Variants in PLET1 observed in about 807,000 individuals in gnomAD.
The protein encoded by PLET1 is placenta-expressed transcript 1 protein.
In PLET1, 20 loss-of-function variants were observed where a neutral mutation model predicts 18.5. The ratio of observed to expected loss-of-function variants is 1.08; its 90% CI spans 0.76 to 1.57. The LOEUF (loss-of-function observed/expected upper bound fraction) is 1.57, where lower values mean the gene tolerates loss of function less well. PLET1 is among the 40% of genes most tolerant of loss of function. PLET1 has a pLI of 0.00. For synonymous variants in PLET1, 93 were observed against 93.8 expected (o/e 0.99, Z 0.05); for missense variants, 256 against 246.4 (o/e 1.04, Z -0.26).
chr11:112,255,354 T>G, intron 2 of PLET1, 34 bp downstream of exon 2: 2 of 1,544,006 alleles, frequency 1.3e-6, no homozygotes, highest in Non-Finnish European at 1.8e-6. Context: ...TATGAAAATT[T>G]TAAAGCCCAA....
intron 1 of PLET1, among the ~76,000 whole-genome samples, chr11:112,258,357 C>T (rs1378479563): frequency 6.8e-6 from 1 of 147,916 alleles, no homozygotes; most frequent in African/African-American, 2.5e-5. Context: ...GGTCTCGGCT[C>T]ACTGCAACTT....
chr11:112,257,207 T>C (rs11214155), intron 1 of PLET1, among the ~76,000 whole-genome samples: 33,936 of 152,150 alleles, frequency 0.22, 4,711 homozygotes, highest in Admixed American at 0.32. Context: ...GCAGCCAGCC[T>C]TTCCCTTTTT....
At chr11:112,249,083 G>T in intron 3 of PLET1, 109 bp from the exon 4 acceptor site, 1 of 1,021,190 alleles carries the variant, frequency 9.8e-7, no homozygotes, top group Non-Finnish European at 1.4e-6. Context: ...GAATGCTAGA[G>T]CCAGATTCAT....
chr11:112,248,940 C>G lies in PLET1; in HGVS notation c.483G>C (p.Gln161His), dbSNP rs1860127178. ...STLALAAKIP[Q>H]SSAFKPFFMI... ...TGAAGAAAGGCTTGAAGGCTGAGCT[C>G]TGGGGAATCTTGGCAGCTAAGGCTA... The change falls in exon 4 of 4, where the codon CAG becomes CAC. Residue 161 changes from glutamine to histidine, a missense_variant. Physicochemically the swap from Gln to His is conservative, Grantham distance 24. Coordinates refer to ENST00000338832, the MANE Select transcript of PLET1 (RefSeq NM_001145024.1). The G allele has an allele frequency of 6.4e-7, 1 of 1,550,806 alleles. No individual in the cohort carries two copies. The highest frequency in any genetic ancestry group is 8.7e-7 in the Non-Finnish European group (1 of 1,146,972).
At position 112,248,773 on chromosome 11, in the gene PLET1, G is replaced by A. The variant is rs912312436; in HGVS notation, c.*26C>T. The stretch of plus-strand genomic sequence containing the variant: ...AATGTAGGAGGATGCAGTGGAGGCA[G>A]AAACAATTGTTTCCCTGGCTTCCCT... On this transcript the variant is annotated 3_prime_UTR_variant, in exon 4 of 4. Coordinates refer to ENST00000338832, the MANE Select transcript of PLET1 (RefSeq NM_001145024.1). The A allele has an allele frequency of 3.2e-6, 5 of 1,548,994 alleles. No individual in the cohort carries two copies. The highest frequency in any genetic ancestry group is 4.4e-6 in the Non-Finnish European group (5 of 1,145,150).
In PLET1 at chr11:112,249,095, A is replaced by C. The variant is rs541449121; in HGVS notation, c.449-121T>G. The C allele has an allele frequency of 2.5e-4, 230 of 919,508 alleles. 2 individuals are homozygous for C. The highest frequency in any genetic ancestry group is 3.6e-4 in the Non-Finnish European group (221 of 613,398). The allele number at this position is 919,508 out of a possible 1,614,324, so 57.0% of individuals were successfully genotyped here. ...ATGGAATGCTAGAGCCAGATTCATG[A>C]GCAAAATTCAATCAACCCTTCTCCA... is the stretch of plus-strand genomic sequence containing the variant. On this transcript the variant is annotated intron_variant, in intron 3 of 3. Coordinates refer to ENST00000338832, the MANE Select transcript of PLET1 (RefSeq NM_001145024.1).
At chr11:112,258,345 G>C (rs1449346586) in intron 1 of PLET1, among the ~76,000 whole-genome samples, 2 of 143,890 alleles carry the variant, frequency 1.4e-5, no homozygotes, top group African/African-American at 5.2e-5. Context: ...GTGCAGTGAC[G>C]TGGTCTCGGC....
In PLET1 at chr11:112,254,637, T is replaced by G. The variant is rs200983330; in HGVS notation, c.386+751A>C. ...ATGGTGTGTGTGGTATGAGTGTGTG[T>G]GGTGTGTGGTGTGTGCTGTGTGTGT... On this transcript the variant is annotated intron_variant, in intron 2 of 3. Coordinates refer to ENST00000338832, the MANE Select transcript of PLET1 (RefSeq NM_001145024.1). Among the ~76,000 whole-genome samples the G allele has an allele frequency of 5.9e-4, 30 of 50,938 alleles. 1 individual carries two copies. The highest frequency in any genetic ancestry group is 8.7e-4 in the Non-Finnish European group (20 of 22,880). The allele number at this position is 50,938 out of a possible 152,430, so 33.4% of individuals were successfully genotyped here.
intron 3 of PLET1, among the ~76,000 whole-genome samples, chr11:112,251,743 A>T (rs1160102190): frequency 6.6e-6 from 1 of 152,082 alleles, no homozygotes; most frequent in East Asian, 1.9e-4. Flanking sequence ...CCTTAGAGGG[A>T]GGTAAGAGAA....
intron 3 of PLET1, among the ~76,000 whole-genome samples, chr11:112,250,220 C>CTTTTTTTTTTTTTTTTTTT (rs33963716): frequency 2.0e-4 from 10 of 49,860 alleles, no homozygotes; most frequent in East Asian, 7.4e-4. Context: ...AGAAACAAAC[C>CTTTTTTTTTTTTTTTTTTT]TTTTTTTTTT....
At chr11:112,249,588 G>T (rs916455132) in intron 3 of PLET1, among the ~76,000 whole-genome samples, 2 of 152,160 alleles carry the variant, frequency 1.3e-5, no homozygotes, top group Admixed American at 1.3e-4. Context: ...TAGGCCCATA[G>T]TCCTGAGGGG....
At chr11:112,258,148 C>T (rs868116520) in intron 1 of PLET1, among the ~76,000 whole-genome samples, 3 of 152,104 alleles carry the variant, frequency 2.0e-5, no homozygotes, top group Non-Finnish European at 4.4e-5. Flanking sequence ...CTCCACCTAA[C>T]GTCTCTGTGA....
intron 1 of PLET1, chr11:112,260,130 G>A (rs1299774188): frequency 2.7e-6 from 1 of 366,606 alleles, no homozygotes; most frequent in African/African-American, 2.0e-5. Context: ...ATTTAAGTCA[G>A]AGAATCTACC....
rs746935437 is a variant in PLET1 at position 112,255,476 on chromosome 11, T to G, written c.298A>C (p.Thr100Pro). 6.4e-7 allele frequency: 1 copy of G among 1,552,180 alleles called. No individual in the cohort carries two copies. The highest frequency in any genetic ancestry group is 8.7e-7 in the Non-Finnish European group (1 of 1,147,040). Reference sequence around the variant, plus strand: ...ATGTATTGATCTTTCACGTAATACGTGGAGTTGCTGTAGCAATTTTTATCC... The same window carrying G: ...ATGTATTGATCTTTCACGTAATACGGGGAGTTGCTGTAGCAATTTTTATCC... ...RADKNCYSNS[T>P]YYVKDQYMTV... Residue 100 changes from threonine (T) to proline (P), a missense_variant, in exon 2 of 4, where the codon ACG (threonine) becomes CCG (proline). Transcript: ENST00000338832.
chr11:112,257,243 T>G (rs1484878751), intron 1 of PLET1, among the ~76,000 whole-genome samples: 1 of 152,198 alleles, frequency 6.6e-6, no homozygotes, highest in African/African-American at 2.4e-5. Flanking sequence ...CCCCTGATCC[T>G]TGCTCACCTC....
Position 112,254,838 on chromosome 11 carries a change from TTGTGTGTGGTG to T in PLET1, c.386+539_386+549del, listed in dbSNP as rs1203361889. Among the ~76,000 whole-genome samples, 9 of 116,910 alleles carry T rather than the reference TTGTGTGTGGTG, an allele frequency of 7.7e-5. No homozygotes were observed. In the South Asian group the frequency reaches 2.6e-3, roughly 34 times the overall value. The allele number at this position is 116,910 out of a possible 152,430, so 76.7% of individuals were successfully genotyped here. On this transcript the variant is annotated intron_variant, in intron 2 of 3. Coordinates refer to ENST00000338832, the MANE Select transcript of PLET1 (RefSeq NM_001145024.1). The stretch of plus-strand genomic sequence containing the variant: ...GTGTGTGGCATGTGGGGTGTATGTG[TTGTGTGTGGTG>T]TGTGTGTGGTATGTGTGTGTGGTGC...
intron 2 of PLET1, among the ~76,000 whole-genome samples, chr11:112,253,939 A>G (rs182800927): frequency 1.1e-4 from 17 of 152,280 alleles, no homozygotes; most frequent in Admixed American, 7.2e-4. Flanking sequence ...AAACCTAATG[A>G]CAGATCCTAG....
chr11:112,252,258 A>G (rs1044334111), intron 3 of PLET1, 90 bp downstream of exon 3: 1 of 1,154,830 alleles, frequency 8.7e-7, no homozygotes, highest in Non-Finnish European at 1.3e-6. Context: ...CGTGGTAAGA[A>G]GACCCTCTTT....
chr11:112,258,257 T>C (rs1860245694), intron 1 of PLET1, among the ~76,000 whole-genome samples: 1 of 151,338 alleles, frequency 6.6e-6, no homozygotes, highest in African/African-American at 2.4e-5. Context: ...CCATAGCATC[T>C]TCATATGATA....
Sources: gnomAD v4.1 joint callset for allele counts (sites outside exome capture counted in the v4.1 genomes callset) on GRCh38, gnomAD v4.1.1 for gene constraint, MANE v1.5 for transcripts, NCBI Gene and HGNC (gene_info 2026-07-23, HGNC 2026-07-21) for gene names.